RBFOX1: variants seen among roughly 807,000 people sequenced by gnomAD.
RBFOX1 encodes the protein RNA binding protein fox-1 homolog 1.
Under a neutral mutation model 57.7 loss-of-function variants are expected in RBFOX1, and 8 were observed. That is an observed-to-expected ratio of 0.14 (90% CI 0.08 to 0.25). The LOEUF (loss-of-function observed/expected upper bound fraction) is 0.25. Ranked by LOEUF, RBFOX1 falls within the 10% of genes least tolerant of loss-of-function variation. RBFOX1 has a pLI of 1.00. For synonymous variants in RBFOX1, 326 were observed against 222.4 expected (o/e 1.47, Z -4.15); for missense variants, 611 against 548.5 (o/e 1.11, Z -1.14).
intron 1 of RBFOX1, among the ~76,000 whole-genome samples, chr16:5,318,782 C>T (rs1344653958): frequency 6.6e-6 from 1 of 152,080 alleles, no homozygotes; most frequent in Non-Finnish European, 1.5e-5. Flanking sequence ...TTTGGCTGAC[C>T]TTAACATAGG....
At chr16:6,849,473 G>C (rs1005047323) in intron 3 of RBFOX1, among the ~76,000 whole-genome samples, 1 of 152,144 alleles carries the variant, frequency 6.6e-6, no homozygotes, top group African/African-American at 2.4e-5. Context: ...TTCGAGACCA[G>C]CCTCGCCAAT....
intron 4 of RBFOX1, among the ~76,000 whole-genome samples, chr16:7,455,787 A>G (rs1231561436): frequency 6.8e-6 from 1 of 146,610 alleles, no homozygotes; most frequent in Admixed American, 6.8e-5. Context: ...CTCCATCTCA[A>G]AAAAAAAAAA....
At chr16:5,369,235 C>G (rs2065800709) in intron 1 of RBFOX1, among the ~76,000 whole-genome samples, 1 of 152,214 alleles carries the variant, frequency 6.6e-6, no homozygotes, top group South Asian at 2.1e-4. Flanking sequence ...CTCCTGACCT[C>G]AAGTGATCCA....
Position 5,404,855 on chromosome 16 carries a change from C to T in RBFOX1, c.220-62361C>T, listed in dbSNP as rs189182145. 4.3e-3 allele frequency among the ~76,000 whole-genome samples: 660 copies of T among 152,272 alleles called. 4 individuals carry two copies. Among genetic ancestry groups the T allele is most frequent in the Admixed American group, 0.01 (157 of 15,298 alleles). On this transcript the variant is annotated intron_variant, in intron 1 of 2. Coordinates refer to the RBFOX1 transcript ENST00000585867. ...AGAGAGCGACAAAGCCATGAAACCA[C>T]CAAAGTCTTAACCACCAGGAAAAGA...
At chr16:5,279,479 C>T (rs746098583) in intron 1 of RBFOX1, among the ~76,000 whole-genome samples, 17 of 150,694 alleles carry the variant, frequency 1.1e-4, no homozygotes, top group South Asian at 6.3e-4. Context: ...CTGAATTATA[C>T]GTCCGTTTTT....
intron 4 of RBFOX1, among the ~76,000 whole-genome samples, chr16:7,393,394 A>T (rs1366976162): frequency 6.6e-6 from 1 of 152,168 alleles, no homozygotes; most frequent in Non-Finnish European, 1.5e-5. Context: ...TCTTCACTGT[A>T]TGAAAAACCC....
rs556980970 is a variant in RBFOX1, at chr16:6,103,578, G to A, written c.-127+83586G>A. 2.0e-5 allele frequency among the ~76,000 whole-genome samples: 3 copies of A among 152,140 alleles called. No homozygotes were observed. The South Asian group carries it at 6.2e-4, about 32-fold the overall frequency. On this transcript the variant is annotated intron_variant, in intron 1 of 15. Transcript: ENST00000550418. ...AGTTTTCTAGATCAAGTGATAACAAGCAGATTCAGGCTCCTTCCATCTTGT... is the reference window on the plus strand; with the variant it reads ...AGTTTTCTAGATCAAGTGATAACAAACAGATTCAGGCTCCTTCCATCTTGT...
At chr16:6,013,999 T>C (rs1249709915) in intron 4 of RBFOX1, among the ~76,000 whole-genome samples, 7 of 151,514 alleles carry the variant, frequency 4.6e-5, no homozygotes, top group African/African-American at 1.7e-4. Context: ...CATTAGGAGA[T>C]ACACCTAATG....
intron 13 of RBFOX1, among the ~76,000 whole-genome samples, chr16:7,669,605 A>G (rs2070706364): frequency 1.3e-5 from 2 of 152,146 alleles, no homozygotes; most frequent in South Asian, 4.1e-4. Context: ...TACCATTCCT[A>G]AATTCTGTAT....
At chr16:6,873,360 T>A (rs916639279) in intron 3 of RBFOX1, among the ~76,000 whole-genome samples, 4 of 152,200 alleles carry the variant, frequency 2.6e-5, no homozygotes, top group African/African-American at 9.7e-5. Context: ...GACATGATTA[T>A]GCTTTAATTT....
intron 3 of RBFOX1, among the ~76,000 whole-genome samples, chr16:6,897,603 C>G (rs1267766494): frequency 9.2e-5 from 14 of 152,118 alleles, no homozygotes; most frequent in Non-Finnish European, 1.6e-4. Context: ...ACCAGTCTGG[C>G]CAACATGGTG....
At chr16:7,019,977 CTCTT>C (rs1568397351) in intron 3 of RBFOX1, among the ~76,000 whole-genome samples, 1 of 148,588 alleles carries the variant, frequency 6.7e-6, no homozygotes, top group East Asian at 2.0e-4. Flanking sequence ...TTCTGGCTCT[CTCTT>C]TTTTTTTTTT....
chr16:6,424,270 A>G (rs2093859175), intron 2 of RBFOX1, among the ~76,000 whole-genome samples: 1 of 152,150 alleles, frequency 6.6e-6, no homozygotes, highest in South Asian at 2.1e-4. Flanking sequence ...CAAACAAACA[A>G]CAACAACAAC....
At chr16:5,577,958 G>C (rs1344406458) in intron 2 of RBFOX1, among the ~76,000 whole-genome samples, 1 of 88,378 alleles carries the variant, frequency 1.1e-5, no homozygotes, top group Non-Finnish European at 2.3e-5. Flanking sequence ...TCTGGGGTTT[G>C]AGGATTTCTT....
At chr16:6,015,001 G>C (rs1437532962), upstream of RBFOX1, among the ~76,000 whole-genome samples, 3 of 151,874 alleles carry the variant, frequency 2.0e-5, no homozygotes, top group South Asian at 4.2e-4. Flanking sequence ...GACTACAGGT[G>C]CACACCACTA....
chr16:6,345,987 T>C (rs2085312985), intron 2 of RBFOX1, among the ~76,000 whole-genome samples: 2 of 152,000 alleles, frequency 1.3e-5, no homozygotes, highest in Non-Finnish European at 2.9e-5. Flanking sequence ...AGGTCACAGA[T>C]AGGTGGGATA....
intron 1 of RBFOX1, among the ~76,000 whole-genome samples, chr16:6,109,082 A>G (rs779729951): frequency 3.3e-5 from 5 of 152,216 alleles, no homozygotes; most frequent in Non-Finnish European, 7.3e-5. Context: ...TTTCCATTGT[A>G]CAAGAATGGG....
chr16:6,438,361 G>C (rs2153020540), intron 2 of RBFOX1, among the ~76,000 whole-genome samples: 1 of 152,220 alleles, frequency 6.6e-6, no homozygotes, highest in South Asian at 2.1e-4. Context: ...AATCTGGCCA[G>C]GCCACTTACC....
chr16:5,444,878 C>G (rs1446837091), intron 1 of RBFOX1, among the ~76,000 whole-genome samples: 1 of 152,154 alleles, frequency 6.6e-6, no homozygotes, highest in East Asian at 1.9e-4. Context: ...GTTTAGTTTA[C>G]TCTATGCTGT....
Sources: allele counts gnomAD v4.1 joint callset (sites outside exome capture counted in the v4.1 genomes callset), GRCh38; gene constraint gnomAD v4.1.1; transcripts MANE v1.5; gene names NCBI Gene and HGNC (gene_info 2026-07-23, HGNC 2026-07-21).